TBC1D8: variants seen among roughly 807,000 people sequenced by gnomAD.
TBC1D8 encodes BUB2-like protein 1.
A neutral mutation model predicts 118.8 loss-of-function variants in TBC1D8; 65 were observed. The observed-to-expected ratio is 0.55, with a 90% confidence interval of 0.45 to 0.67. The LOEUF is 0.67. TBC1D8 is among the 30% of genes least tolerant of loss of function. The pLI is 0.00. For synonymous variants in TBC1D8, 566 were observed against 595.8 expected (o/e 0.95, Z 0.73); for missense variants, 1,376 against 1,471.2 (o/e 0.94, Z 1.06).
intron 1 of TBC1D8, among the ~76,000 whole-genome samples, chr2:101,111,139 C>T (rs7601203): frequency 0.15 from 22,878 of 152,176 alleles, 1,895 homozygotes; most frequent in Middle Eastern, 0.25. Context: ...AGAAATCTAC[C>T]TATTCAAAGT....
intron 1 of TBC1D8, among the ~76,000 whole-genome samples, chr2:101,091,401 G>A (rs1008694521): frequency 6.6e-6 from 1 of 151,838 alleles, no homozygotes; most frequent in African/African-American, 2.4e-5. Flanking sequence ...TCAATGGCAG[G>A]CAAAACAACA....
At position 101,038,650 on chromosome 2, in the gene TBC1D8, C is replaced by A. The variant is rs752088803; in HGVS notation, c.1086G>T (p.Val362=). ...TCGTGTCCTCCATCTTCTCGATGCT[C>A]ACCACCTGCGCGAGAGGCAACATGC... ...CKIILPLREV[V]SIEKMEDTSL... Residue 362 remains valine (V), a synonymous_variant, in exon 7 of 20, where the codon GTG becomes GTT. Transcript: ENST00000409318. 1 of 1,613,914 alleles carries A rather than the reference C, an allele frequency of 6.2e-7. No homozygotes were observed. Among genetic ancestry groups the A allele is most frequent in the Non-Finnish European group, 8.5e-7 (1 of 1,179,980 alleles).
At chr2:101,147,208 T>A (rs1158440407) in intron 1 of TBC1D8, among the ~76,000 whole-genome samples, 1 of 147,660 alleles carries the variant, frequency 6.8e-6, no homozygotes, top group Non-Finnish European at 1.5e-5. Flanking sequence ...ATTTTCCTTA[T>A]TTATCTCTTG....
chr2:101,101,233 A>G (rs1437079860), intron 1 of TBC1D8, among the ~76,000 whole-genome samples: 2 of 152,224 alleles, frequency 1.3e-5, no homozygotes, highest in African/African-American at 4.8e-5. Context: ...AAAACTGGGT[A>G]AAGGATATAA....
chr2:101,034,017 A>G (rs1680843371), intron 9 of TBC1D8, among the ~76,000 whole-genome samples: 1 of 152,132 alleles, frequency 6.6e-6, no homozygotes, highest in African/African-American at 2.4e-5. Context: ...TACAAAAATT[A>G]GCCAGGCATG....
intron 1 of TBC1D8, among the ~76,000 whole-genome samples, chr2:101,126,236 A>C (rs576003497): frequency 6.6e-6 from 1 of 152,118 alleles, no homozygotes; most frequent in African/African-American, 2.4e-5. Flanking sequence ...ATTCACTCTC[A>C]TGAGTATGGC....
chr2:101,059,297 G>T, intron 3 of TBC1D8, 124 bp downstream of exon 3: 11 of 578,354 alleles, frequency 1.9e-5, no homozygotes, highest in East Asian at 6.5e-5. Context: ...AAACTTATTT[G>T]GCATTACGTA....
At chr2:101,065,263 G>T (rs1394167871) in intron 2 of TBC1D8, among the ~76,000 whole-genome samples, 1 of 152,212 alleles carries the variant, frequency 6.6e-6, no homozygotes, top group Non-Finnish European at 1.5e-5. Flanking sequence ...GTATAGTTCA[G>T]ATCTGTTCCT....
chr2:101,010,925 A>G lies in TBC1D8; in HGVS notation c.3015+4T>C, dbSNP rs749455825. On this transcript the variant is annotated splice_donor_region_variant and intron_variant, in intron 19 of 19. Coordinates refer to ENST00000409318, the MANE Select transcript of TBC1D8 (RefSeq NM_001330348.2). ...TAATTCTCTGCACTGAAGAAAGTCC[A>G]TACCTGGCTCATTTTGGGCAATTCT... 6 of 1,609,540 alleles carry G rather than the reference A, an allele frequency of 3.7e-6. No individual in the cohort carries two copies. Among genetic ancestry groups the G allele is most frequent in the Admixed American group, 1.7e-5 (1 of 59,996 alleles).
chr2:101,091,070 G>A (rs567015676), intron 1 of TBC1D8, among the ~76,000 whole-genome samples: 1 of 151,216 alleles, frequency 6.6e-6, no homozygotes, highest in African/African-American at 2.4e-5. Flanking sequence ...ATCACTTGAG[G>A]TCAGGAGTTC....
chr2:101,151,311 C>T lies in TBC1D8; in HGVS notation c.-58G>A. On this transcript the variant is annotated 5_prime_UTR_variant, in exon 1 of 20. Transcript: ENST00000409318. ...CTCACATCTCCCCGGCCGCCGGTCG[C>T]TGTGAGCCGAGCCCGCTCGAGAGGC... 1 of 1,101,580 alleles carries T rather than the reference C, an allele frequency of 9.1e-7. No homozygotes were observed. The highest frequency in any genetic ancestry group is 1.1e-6 in the Non-Finnish European group (1 of 893,978). 68.2% of individuals were successfully genotyped at this position (1,101,580 alleles called of 1,614,324 possible).
At chr2:101,145,462 A>G (rs983529219) in intron 1 of TBC1D8, among the ~76,000 whole-genome samples, 1 of 152,244 alleles carries the variant, frequency 6.6e-6, no homozygotes, top group Non-Finnish European at 1.5e-5. Context: ...CTGTTAAGTC[A>G]AAGACTTTCA....
At chr2:101,069,917 CT>C (rs58885143) in intron 2 of TBC1D8, among the ~76,000 whole-genome samples, 123,475 of 142,484 alleles carry the variant, frequency 0.87, 53,762 homozygotes, top group African/African-American at 0.96. Context: ...AGCATGTTTA[CT>C]TTTTTTTTTT....
intron 2 of TBC1D8, among the ~76,000 whole-genome samples, chr2:101,060,991 C>T (rs1435476478): frequency 6.6e-6 from 1 of 151,790 alleles, no homozygotes; most frequent in South Asian, 2.1e-4. Context: ...AGTTTGAGAC[C>T]AGCCTGGCCT....
intron 1 of TBC1D8, among the ~76,000 whole-genome samples, chr2:101,112,695 G>A (rs114123861): frequency 0.019 from 2,834 of 152,222 alleles, 90 homozygotes; most frequent in African/African-American, 0.065. Context: ...GGCCACTCAC[G>A]GTCCTGATGG....
chr2:101,113,039 G>A (rs961059415), intron 1 of TBC1D8, among the ~76,000 whole-genome samples: 6 of 152,080 alleles, frequency 3.9e-5, no homozygotes, highest in Non-Finnish European at 5.9e-5. Flanking sequence ...TCTGAATAAC[G>A]TATCACTTTT....
chr2:101,116,614 A>T (rs1677830597), intron 1 of TBC1D8, among the ~76,000 whole-genome samples: 1 of 151,826 alleles, frequency 6.6e-6, no homozygotes. Flanking sequence ...TGAAGGTGTG[A>T]TGTCAGTTAA....
At chr2:101,027,254 G>T in intron 15 of TBC1D8, 129 bp downstream of exon 15, 1 of 758,130 alleles carries the variant, frequency 1.3e-6, no homozygotes, top group Non-Finnish European at 2.2e-6. Context: ...ACAGCTTCAA[G>T]GGGGGCAGCT....
At chr2:101,129,939 G>A (rs997985152) in intron 1 of TBC1D8, among the ~76,000 whole-genome samples, 16 of 151,768 alleles carry the variant, frequency 1.1e-4, no homozygotes, top group African/African-American at 3.9e-4. Context: ...GAAAGGGCTA[G>A]CCCGAGCCAA....
Sources: gnomAD v4.1 joint callset for allele counts (sites outside exome capture counted in the v4.1 genomes callset) on GRCh38, gnomAD v4.1.1 for gene constraint, MANE v1.5 for transcripts, NCBI Gene and HGNC (gene_info 2026-07-23, HGNC 2026-07-21) for gene names.